Variants in HOMER2 observed in about 807,000 individuals in gnomAD.
HOMER2 encodes homer protein homolog 2.
A neutral mutation model predicts 47.0 loss-of-function variants in HOMER2; 27 were observed. That is an observed-to-expected ratio of 0.57 (90% confidence interval 0.42 to 0.79). The LOEUF (loss-of-function observed/expected upper bound fraction) is 0.79, where lower values mean the gene tolerates loss of function less well. Among genes scored for constraint, HOMER2 ranks in the 30% least tolerant of loss-of-function variants. HOMER2 has a pLI of 0.00. For missense variants in HOMER2, 443 were observed against 435.0 expected, an observed-to-expected ratio of 1.02 and a Z score of -0.16; for synonymous variants, 161 against 163.8, an observed-to-expected ratio of 0.98 and a Z score of 0.13.
chr15:82,958,525 T>G (rs775019002), exon 2 of HOMER2: 7 of 152,214 alleles, frequency 4.6e-5, no homozygotes, highest in Non-Finnish European at 8.8e-5. Context: ...AGTGGAGATT[T>G]TGAAGTAGGA....
At chr15:82,951,960 A>G (rs534795064) in intron 1 of HOMER2, 1 of 666,892 alleles carries the variant, frequency 1.5e-6, no homozygotes, top group East Asian at 1.3e-4. Flanking sequence ...AGAGTATTTC[A>G]ACTTCCCTCC....
At chr15:82,910,371 G>A (rs59286119) in intron 1 of HOMER2, among the ~76,000 whole-genome samples, 8,891 of 152,182 alleles carry the variant, frequency 0.058, 842 homozygotes, top group African/African-American at 0.2. Flanking sequence ...GAGTCCAGTG[G>A]GGTGAGTCGG....
At chr15:82,882,604 G>C (rs898422799) in intron 2 of HOMER2, among the ~76,000 whole-genome samples, 4 of 152,350 alleles carry the variant, frequency 2.6e-5, no homozygotes, top group African/African-American at 9.6e-5. Flanking sequence ...TAAAGAACAG[G>C]TCTGAGTACA....
chr15:82,875,791 C>G (rs1038815748), intron 2 of HOMER2, among the ~76,000 whole-genome samples: 2 of 152,240 alleles, frequency 1.3e-5, no homozygotes. Flanking sequence ...CACTATGTCG[C>G]TTTATGAGTC....
intron 1 of HOMER2, among the ~76,000 whole-genome samples, chr15:82,974,644 G>A (rs1488116440): frequency 1.3e-5 from 2 of 152,194 alleles, no homozygotes; most frequent in Non-Finnish European, 1.5e-5. Flanking sequence ...ACTTGGGAGA[G>A]AAGACTAGTA....
chr15:82,945,710 C>T (rs906086401), intron 1 of HOMER2, among the ~76,000 whole-genome samples: 2 of 151,716 alleles, frequency 1.3e-5, no homozygotes, highest in Non-Finnish European at 2.9e-5. Flanking sequence ...GTGGCTGACG[C>T]CTGTAATCCC....
chr15:82,973,133 T>C (rs1234091845), intron 1 of HOMER2, among the ~76,000 whole-genome samples: 1 of 152,222 alleles, frequency 6.6e-6, no homozygotes, highest in Non-Finnish European at 1.5e-5. Flanking sequence ...CAGCAGTGTC[T>C]AATATGAAAG....
chr15:82,882,226 G>A (rs1567032623), intron 2 of HOMER2, among the ~76,000 whole-genome samples: 1 of 139,048 alleles, frequency 7.2e-6, no homozygotes, highest in Non-Finnish European at 1.5e-5. Context: ...TGGGTCCTTG[G>A]GTCCCCCCTT....
chr15:82,850,303 A>T (rs2051350768), intron 8 of HOMER2, among the ~76,000 whole-genome samples: 1 of 152,216 alleles, frequency 6.6e-6, no homozygotes, highest in South Asian at 2.1e-4. Context: ...CAGATGGGAG[A>T]GTGGCTCGTT....
At chr15:82,979,567 T>C (rs61077987) in intron 1 of HOMER2, among the ~76,000 whole-genome samples, 1,717 of 152,132 alleles carry the variant, frequency 0.011, 30 homozygotes, top group African/African-American at 0.04. Context: ...CCTTGGTTTG[T>C]GTGAAAAATG....
chr15:82,971,415 TACAC>T (rs147448090), intron 1 of HOMER2, among the ~76,000 whole-genome samples: 1 of 148,338 alleles, frequency 6.7e-6, no homozygotes, highest in Non-Finnish European at 1.5e-5. Context: ...GACAGATACA[TACAC>T]ACACACACAC....
chr15:82,862,327 G>A (rs2051821924), intron 4 of HOMER2, among the ~76,000 whole-genome samples: 3 of 152,182 alleles, frequency 2.0e-5, no homozygotes, highest in Middle Eastern at 6.8e-3. Context: ...ATCTTATTAG[G>A]TATACATGTA....
intron 1 of HOMER2, among the ~76,000 whole-genome samples, chr15:82,925,083 C>A (rs2053822720): frequency 6.6e-6 from 1 of 152,210 alleles, no homozygotes. Flanking sequence ...CCATCCCTTA[C>A]CAAAGCTGTC....
intron 4 of HOMER2, among the ~76,000 whole-genome samples, chr15:82,862,716 C>T (rs17359001): frequency 0.19 from 28,764 of 152,050 alleles, 3,106 homozygotes; most frequent in Non-Finnish European, 0.23. Flanking sequence ...TACCTGAAAT[C>T]GAATTCACAT....
chr15:82,893,622 C>T (rs1214139323), intron 1 of HOMER2, among the ~76,000 whole-genome samples: 9 of 142,266 alleles, frequency 6.3e-5, no homozygotes, highest in Non-Finnish European at 1.2e-4. Context: ...TAAGCCACTG[C>T]GCCTTTTTTT....
chr15:82,884,451 A>C (rs1452402513), intron 2 of HOMER2, among the ~76,000 whole-genome samples: 1 of 5,930 alleles, frequency 1.7e-4, no homozygotes, highest in East Asian at 0.026. Flanking sequence ...TGGTAGCTTG[A>C]TGGGGATGGC....
In HOMER2 at chr15:82,961,699, AGT is replaced by A. The variant is rs1208735738; in HGVS notation, n.83-2393_83-2392del. On this transcript the variant is annotated intron_variant and non_coding_transcript_variant, in intron 1 of 1. Coordinates refer to the HOMER2 transcript ENST00000500334. ...TTAAGTGTAGATTTAAGTGGCACTAAGTATATTCACATTATTGTGCAATCCTC... is the reference window on the plus strand; with the variant it reads ...TTAAGTGTAGATTTAAGTGGCACTAAATATTCACATTATTGTGCAATCCTC... Among the ~76,000 whole-genome samples the A allele has an allele frequency of 2.6e-5, 4 of 151,974 alleles. No individual in the cohort carries two copies. The East Asian group carries it at 7.8e-4, about 30-fold the overall frequency.
At chr15:82,852,114 G>T (rs973697982) in intron 7 of HOMER2, 28 bp downstream of exon 7, 1 of 1,546,274 alleles carries the variant, frequency 6.5e-7, no homozygotes, top group East Asian at 2.2e-5. Flanking sequence ...GGACGCCAAG[G>T]GGCCCTGCTC....
chr15:82,860,377 G>A (rs571058849), intron 4 of HOMER2, among the ~76,000 whole-genome samples: 8 of 152,062 alleles, frequency 5.3e-5, no homozygotes, highest in South Asian at 2.1e-4. Flanking sequence ...TGGTGGGGGG[G>A]AGCAAATGAG....
Sources: allele counts gnomAD v4.1 joint callset (sites outside exome capture counted in the v4.1 genomes callset), GRCh38; gene constraint gnomAD v4.1.1; transcripts MANE v1.5; gene names NCBI Gene and HGNC (gene_info 2026-07-23, HGNC 2026-07-21).